Variants in MYO9A observed in about 807,000 individuals in gnomAD.
MYO9A encodes the protein unconventional myosin-IXa.
A neutral mutation model predicts 293.3 loss-of-function variants in MYO9A; 103 were observed. The ratio of observed to expected loss-of-function variants is 0.35; its 90% CI spans 0.30 to 0.41. MYO9A has a LOEUF of 0.41. Ranked by LOEUF, MYO9A falls within the 10% of genes least tolerant of loss-of-function variation. MYO9A has a pLI of 1.00. For missense variants in MYO9A, 2,685 were observed against 3,033.0 expected (o/e 0.89, Z 2.69); for synonymous variants, 1,001 against 1,035.7 (o/e 0.97, Z 0.64).
intron 15 of MYO9A, among the ~76,000 whole-genome samples, chr15:71,942,833 T>C (rs565132479): frequency 3.9e-5 from 6 of 152,138 alleles, no homozygotes; most frequent in Admixed American, 6.5e-5. Flanking sequence ...TTGTTGCTTA[T>C]TTAGCTTTAT....
chr15:71,842,270 G>C (rs192155676), intron 39 of MYO9A, among the ~76,000 whole-genome samples: 2 of 150,400 alleles, frequency 1.3e-5, no homozygotes, highest in Non-Finnish European at 2.9e-5. Flanking sequence ...CCAGCTACTC[G>C]GGAGGCTGAG....
chr15:71,960,401 A>G (rs1225838943), intron 13 of MYO9A: 2 of 293,960 alleles, frequency 6.8e-6, no homozygotes, highest in South Asian at 1.2e-4. Context: ...CATGTGACAC[A>G]TGTGCTTCCA....
intron 15 of MYO9A, among the ~76,000 whole-genome samples, chr15:71,948,501 G>T (rs913391505): frequency 1.3e-5 from 2 of 152,120 alleles, no homozygotes; most frequent in Admixed American, 6.6e-5. Context: ...CCATAATAAA[G>T]CTTTATTGGA....
At chr15:72,086,812 G>C (rs942335373) in intron 1 of MYO9A, among the ~76,000 whole-genome samples, 4 of 151,964 alleles carry the variant, frequency 2.6e-5, no homozygotes, top group African/African-American at 7.3e-5. Context: ...TTGTTGCCCA[G>C]GCTGGAGTGC....
intron 23 of MYO9A, 124 bp downstream of exon 23, chr15:71,901,067 G>A (rs533350798): frequency 3.7e-5 from 39 of 1,040,320 alleles, no homozygotes; most frequent in Admixed American, 1.2e-4. Flanking sequence ...AATTGGGTAC[G>A]ACATATTCTC....
intron 1 of MYO9A, among the ~76,000 whole-genome samples, chr15:72,058,777 T>C (rs2078795593): frequency 6.6e-6 from 1 of 152,192 alleles, no homozygotes; most frequent in Non-Finnish European, 1.5e-5. Context: ...TGTTATTCAC[T>C]GGACTGAGTT....
In MYO9A at chr15:71,898,088, T is replaced by C. The variant is rs1389747251; in HGVS notation, c.4415A>G (p.Asp1472Gly). The C allele has an allele frequency of 6.2e-7, 1 of 1,614,186 alleles. No homozygotes were observed. The highest frequency in any genetic ancestry group is 1.7e-5 in the Admixed American group (1 of 60,012). Residue 1472 changes from aspartate to glycine, a missense_variant, in exon 25 of 42, where the codon GAT becomes GGT. Around this residue, in one of 10 missense-constraint regions of MYO9A, gnomAD observed 1,434 missense variants for 1,497.7 expected, o/e 0.96. Coordinates refer to ENST00000356056, the MANE Select transcript of MYO9A (RefSeq NM_006901.4). ...ETRRYHCSGK[D>G]QIVPSLNTES... ...TGTATTCAAAGAAGGAACAATCTGA[T>C]CTTTTCCTGAGCAGTGATACCTTCT...
At position 71,984,646 on chromosome 15, in the gene MYO9A, A is replaced by G. The variant is rs188414462; in HGVS notation, c.1723-6354T>C. 3.9e-5 allele frequency among the ~76,000 whole-genome samples: 6 copies of G among 152,292 alleles called. No homozygotes were observed. The East Asian group carries it at 1.2e-3, about 29-fold the overall frequency. On this transcript the variant is annotated intron_variant, in intron 11 of 41. Coordinates refer to ENST00000356056, the MANE Select transcript of MYO9A (RefSeq NM_006901.4). ...TTTCTTATCTTCATTCATTAGGCTC[A>G]GTATTTTCTTCTGGTCTATCTTCCA...
intron 18 of MYO9A, among the ~76,000 whole-genome samples, chr15:71,921,141 G>A (rs909666178): frequency 6.6e-6 from 1 of 152,128 alleles, no homozygotes; most frequent in African/African-American, 2.4e-5. Flanking sequence ...ATCTAATACA[G>A]GTGACAGTTT....
intron 11 of MYO9A, among the ~76,000 whole-genome samples, chr15:71,980,849 A>G (rs1041524589): frequency 6.6e-6 from 1 of 152,160 alleles, no homozygotes; most frequent in Non-Finnish European, 1.5e-5. Context: ...AAAACAAAAA[A>G]CAAACAAACA....
At chr15:72,101,749 C>T (rs1332912785) in intron 1 of MYO9A, among the ~76,000 whole-genome samples, 20 of 144,436 alleles carry the variant, frequency 1.4e-4, no homozygotes, top group African/African-American at 4.8e-4. Context: ...GGCGCCTCTG[C>T]CCGGCCGCCC....
At chr15:72,011,240 G>A (rs544650542) in intron 6 of MYO9A, among the ~76,000 whole-genome samples, 146 of 151,840 alleles carry the variant, frequency 9.6e-4, no homozygotes, top group Non-Finnish European at 1.5e-3. Flanking sequence ...CTGAACTCCC[G>A]GACTCAAGCA....
chr15:71,987,039 A>G lies in MYO9A; in HGVS notation c.1722+4064T>C, dbSNP rs551507634. ...ATTGTATTTTTACTGTATCTTTTCT[A>G]TGTTTAGATACATTTAGATACACAA... On this transcript the variant is annotated intron_variant, in intron 11 of 41. Transcript: ENST00000356056. Among the ~76,000 whole-genome samples the G allele has an allele frequency of 7.2e-4, 109 of 152,196 alleles. 1 individual carries two copies. Among genetic ancestry groups the G allele is most frequent in the Non-Finnish European group, 1.3e-3 (89 of 68,022 alleles).
chr15:71,976,290 G>A (rs1321485640), intron 12 of MYO9A, among the ~76,000 whole-genome samples: 1 of 152,178 alleles, frequency 6.6e-6, no homozygotes, highest in Non-Finnish European at 1.5e-5. Flanking sequence ...GAAAAACACA[G>A]TTTGAGAGTT....
At chr15:72,074,391 C>T (rs1041505948) in intron 1 of MYO9A, among the ~76,000 whole-genome samples, 6 of 151,906 alleles carry the variant, frequency 3.9e-5, no homozygotes, top group African/African-American at 1.5e-4. Context: ...TAAAACTCAT[C>T]GGAGAGCTGA....
chr15:71,958,384 T>C (rs2059252050), intron 14 of MYO9A: 1 of 152,172 alleles, frequency 6.6e-6, no homozygotes, highest in Non-Finnish European at 1.5e-5. Flanking sequence ...TAGGAAGCGG[T>C]GTGGAGAAAA....
intron 14 of MYO9A, among the ~76,000 whole-genome samples, chr15:71,953,019 T>C (rs1279449929): frequency 6.6e-6 from 1 of 152,212 alleles, no homozygotes; most frequent in Non-Finnish European, 1.5e-5. Flanking sequence ...AATCATGTAA[T>C]ATTATACACA....
At chr15:71,964,291 C>T (rs974917318) in intron 13 of MYO9A, among the ~76,000 whole-genome samples, 1 of 151,746 alleles carries the variant, frequency 6.6e-6, no homozygotes, top group African/African-American at 2.4e-5. Flanking sequence ...ATTTTTATAC[C>T]CTTTCTCTAA....
chr15:71,905,669 A>G (rs1331909316), intron 19 of MYO9A, among the ~76,000 whole-genome samples: 3 of 149,652 alleles, frequency 2.0e-5, no homozygotes, highest in African/African-American at 7.4e-5. Context: ...CGGCTGAGGC[A>G]TGAGAATTAC....
Sources: gnomAD v4.1 joint callset for allele counts (sites outside exome capture counted in the v4.1 genomes callset) on GRCh38, gnomAD v4.1.1 for gene constraint, gnomAD v4.1.1 regional missense constraint, MANE v1.5 for transcripts, NCBI Gene and HGNC (gene_info 2026-07-23, HGNC 2026-07-21) for gene names.